The following SLC6A5 variants were observed in gnomAD, a reference collection of about 807,000 sequenced individuals.
SLC6A5 encodes sodium- and chloride-dependent glycine transporter 2.
Under a neutral mutation model 90.5 loss-of-function variants are expected in SLC6A5, and 58 were observed. The ratio of observed to expected loss-of-function variants is 0.64; its 90% CI spans 0.52 to 0.80. The LOEUF is 0.80. SLC6A5 is among the 30% of genes least tolerant of loss of function. The pLI is 0.00. For synonymous variants in SLC6A5, 427 were observed against 401.4 expected (o/e 1.06, Z -0.76); for missense variants, 1,015 against 1,017.6 (o/e 1.00, Z 0.03).
At chr11:20,650,946 G>A (rs1180149621) in intron 14 of SLC6A5, among the ~76,000 whole-genome samples, 1 of 151,868 alleles carries the variant, frequency 6.6e-6, no homozygotes, top group East Asian at 2.0e-4. Flanking sequence ...GATTACAGGC[G>A]TGAGCCACCG....
At position 20,658,610 on chromosome 11, in the gene SLC6A5, T is replaced by C. The variant is rs904338296; in HGVS notation, c.*3742T>C. Reference sequence around the variant, plus strand: ...GCTTCCTATCTTTCCCAGATTTTGCTTTAATTGCCCAGAAAGGCCAAGTAG... The same window carrying C: ...GCTTCCTATCTTTCCCAGATTTTGCCTTAATTGCCCAGAAAGGCCAAGTAG... On this transcript the variant is annotated 3_prime_UTR_variant, in exon 16 of 16. Transcript: ENST00000525748. The C allele has an allele frequency of 2.6e-5, 4 of 152,212 alleles. No individual in the cohort carries two copies. Among genetic ancestry groups the C allele is most frequent in the Non-Finnish European group, 1.5e-5 (1 of 68,036 alleles). The allele number at this position is 152,212 out of a possible 1,614,324, so 9.4% of individuals were successfully genotyped here.
chr11:20,607,385 G>T, intron 4 of SLC6A5, 94 bp from the exon 5 acceptor site: 1 of 1,412,440 alleles, frequency 7.1e-7, no homozygotes, highest in African/African-American at 1.4e-5. Flanking sequence ...TTCTGTACAA[G>T]AGAGCCTAGA....
At chr11:20,624,773 T>G (rs1179559410) in intron 7 of SLC6A5, among the ~76,000 whole-genome samples, 2 of 152,220 alleles carry the variant, frequency 1.3e-5, no homozygotes, top group African/African-American at 4.8e-5. Flanking sequence ...TGTCTTTTAA[T>G]GCACTTTTAA....
In SLC6A5 at chr11:20,607,490, G is replaced by A. The variant is rs748625983; in HGVS notation, c.823G>A (p.Ala275Thr). The A allele has an allele frequency of 2.7e-5, 43 of 1,614,008 alleles. 2 individuals are homozygous for A. In the Admixed American group the frequency reaches 3.8e-4, roughly 14 times the overall value. The change falls in exon 5 of 16, where the codon GCG becomes ACG. Residue 275 changes from alanine (A) to threonine (T), a missense_variant. Physicochemically the swap from Ala to Thr is moderately conservative, Grantham distance 58. Transcript: ENST00000525748. ...AIPALQGCGI[A>T]MLIISVLIAI... ...TTTTGCTTCTGCAGGCTGTGGCATC[G>A]CGATGCTGATCATCTCTGTCCTAAT... is the stretch of plus-strand genomic sequence containing the variant.
chr11:20,641,477 A>G (rs1240066186), intron 13 of SLC6A5, among the ~76,000 whole-genome samples: 1 of 151,654 alleles, frequency 6.6e-6, no homozygotes, highest in African/African-American at 2.4e-5. Flanking sequence ...ACTCAGCAAG[A>G]TTTTTTAAAG....
intron 10 of SLC6A5, among the ~76,000 whole-genome samples, chr11:20,633,381 T>A (rs1266402411): frequency 1.3e-5 from 2 of 152,216 alleles, no homozygotes; most frequent in Non-Finnish European, 2.9e-5. Flanking sequence ...ATGTCCCACT[T>A]CCATGCAGCC....
At chr11:20,646,240 G>C (rs527900941) in intron 13 of SLC6A5, among the ~76,000 whole-genome samples, 7 of 152,280 alleles carry the variant, frequency 4.6e-5, no homozygotes, top group African/African-American at 1.7e-4. Context: ...AGGTTGATGA[G>C]TGACCAAGAA....
intron 13 of SLC6A5, among the ~76,000 whole-genome samples, chr11:20,642,274 G>A (rs976994325): frequency 1.3e-5 from 2 of 151,382 alleles, no homozygotes; most frequent in African/African-American, 4.8e-5. Context: ...ACAATATCCA[G>A]ACCAAGGGCA....
chr11:20,634,744 C>T (rs1853172196), intron 10 of SLC6A5, among the ~76,000 whole-genome samples: 1 of 152,186 alleles, frequency 6.6e-6, no homozygotes, highest in Non-Finnish European at 1.5e-5. Flanking sequence ...ATTTTAAATA[C>T]ACAAAGGCCC....
At position 20,657,902 on chromosome 11, in the gene SLC6A5, G is replaced by A. The variant is rs1449677121; in HGVS notation, c.*3034G>A. ...AGGACTGTGCTTATCAGGTACAAATGTGTCTAGTTCTGTTTTATTGTTTCT... is the reference window on the plus strand; with the variant it reads ...AGGACTGTGCTTATCAGGTACAAATATGTCTAGTTCTGTTTTATTGTTTCT... On this transcript the variant is annotated 3_prime_UTR_variant, in exon 16 of 16. Transcript: ENST00000525748. 6.6e-6 allele frequency: 1 copy of A among 152,174 alleles called. No homozygotes were observed. Among genetic ancestry groups the A allele is most frequent in the East Asian group, 1.9e-4 (1 of 5,202 alleles). The allele number at this position is 152,174 out of a possible 1,614,324, so 9.4% of individuals were successfully genotyped here.
Position 20,654,958 on chromosome 11 carries a change from CATCT to C in SLC6A5, c.*91_*94del. ...CCATAGCTCTCCTCCCATTTTTCTT[CATCT>C]TTCTTCCTACATCTTGGTTCACATC... On this transcript the variant is annotated 3_prime_UTR_variant, in exon 16 of 16. Coordinates refer to ENST00000525748, the MANE Select transcript of SLC6A5 (RefSeq NM_004211.5). 1 of 1,327,300 alleles carries C rather than the reference CATCT, an allele frequency of 7.5e-7. No homozygotes were observed. Among genetic ancestry groups the C allele is most frequent in the Non-Finnish European group, 1.1e-6 (1 of 918,656 alleles). 82.2% of individuals were successfully genotyped at this position (1,327,300 alleles called of 1,614,324 possible).
intron 2 of SLC6A5, among the ~76,000 whole-genome samples, chr11:20,602,621 G>A (rs1462363354): frequency 6.6e-6 from 1 of 152,080 alleles, no homozygotes; most frequent in Non-Finnish European, 1.5e-5. Flanking sequence ...GTGGGGCCTG[G>A]ACCAAAATTT....
rs111297673 is a variant in SLC6A5, at chr11:20,614,890, G to T, written c.1127+70G>T. The T allele has an allele frequency of 8.2e-6, 12 of 1,460,558 alleles. No individual in the cohort carries two copies. The African/African-American group carries it at 8.3e-5, about 10-fold the overall frequency. The allele number at this position is 1,460,558 out of a possible 1,614,324, so 90.5% of individuals were successfully genotyped here. On this transcript the variant is annotated intron_variant, in intron 6 of 15. Transcript: ENST00000525748. ...CAGTGAATTAATAAATATTCAATTT[G>T]CAGACCAGAGGTGTGGGTAGCCCAA...
At chr11:20,630,931 A>G in intron 10 of SLC6A5, 116 bp downstream of exon 10, 1 of 1,190,004 alleles carries the variant, frequency 8.4e-7, no homozygotes. Context: ...AGGGTGGAGG[A>G]GCCCAGGTCC....
Position 20,655,715 on chromosome 11 carries a change from CTG to C in SLC6A5, c.*851_*852del, listed in dbSNP as rs909014961. ...AGCACCATGGTTCAATGTCACGATC[CTG>C]TGTTTCTTCTCTAAATGTCTTTCTA... is the stretch of plus-strand genomic sequence containing the variant. On this transcript the variant is annotated 3_prime_UTR_variant, in exon 16 of 16. Coordinates refer to ENST00000525748, the MANE Select transcript of SLC6A5 (RefSeq NM_004211.5). 1.3e-5 allele frequency: 2 copies of C among 152,218 alleles called. No individual in the cohort carries two copies. The highest frequency in any genetic ancestry group is 2.9e-5 in the Non-Finnish European group (2 of 68,054). The allele number at this position is 152,218 out of a possible 1,614,324, so 9.4% of individuals were successfully genotyped here.
chr11:20,621,420 T>A (rs934905635), intron 7 of SLC6A5, among the ~76,000 whole-genome samples: 1 of 152,244 alleles, frequency 6.6e-6, no homozygotes, highest in African/African-American at 2.4e-5. Flanking sequence ...TGATTTAGAA[T>A]CTAATTCTTG....
chr11:20,639,702 G>T (rs964704967), intron 13 of SLC6A5, among the ~76,000 whole-genome samples: 4 of 152,114 alleles, frequency 2.6e-5, no homozygotes, highest in African/African-American at 9.7e-5. Flanking sequence ...AAAATAAAGG[G>T]GGTGGAGTGG....
Position 20,654,555 on chromosome 11 carries a change from G to A in SLC6A5, c.2239-158G>A, listed in dbSNP as rs557796226. 4.7e-4 allele frequency among the ~76,000 whole-genome samples: 65 copies of A among 137,698 alleles called. 1 individual carries two copies. Among genetic ancestry groups the A allele is most frequent in the Non-Finnish European group, 8.4e-4 (57 of 67,934 alleles). 90.3% of individuals were successfully genotyped at this position (137,698 alleles called of 152,430 possible). A position where few individuals can be genotyped will look rare whatever the true frequency, so the allele number is the denominator to read the frequency against. ...TCTCTGGCCTAGTTAATTAATGAAC[G>A]CTTATCTTCCTAACTGCCTCTCTTG... On this transcript the variant is annotated intron_variant, in intron 15 of 15. Coordinates refer to ENST00000525748, the MANE Select transcript of SLC6A5 (RefSeq NM_004211.5).
rs117998029 is a variant in SLC6A5, at chr11:20,609,024, G to A, written c.985+1372G>A. 1.1e-3 allele frequency among the ~76,000 whole-genome samples: 163 copies of A among 150,478 alleles called. 3 individuals carry two copies. The highest frequency in any genetic ancestry group is 1.7e-3 in the Non-Finnish European group (115 of 67,704). On this transcript the variant is annotated intron_variant, in intron 5 of 15. Transcript: ENST00000525748. Reference sequence around the variant, plus strand: ...AGGCTGAGCATGTTGACTGGATCAGGCACATGGGTGGAGGCACAAGAGACA... The same window carrying A: ...AGGCTGAGCATGTTGACTGGATCAGACACATGGGTGGAGGCACAAGAGACA...
Sources: allele counts gnomAD v4.1 joint callset (sites outside exome capture counted in the v4.1 genomes callset), GRCh38; gene constraint gnomAD v4.1.1; transcripts MANE v1.5; gene names NCBI Gene and HGNC (gene_info 2026-07-23, HGNC 2026-07-21).